The following PARP1 variants were observed in gnomAD, a reference collection of about 807,000 sequenced individuals.
PARP1 encodes the protein poly(ADP-ribose) polymerase 1.
PARP1 carries 44 observed loss-of-function variants against 118.7 expected under a neutral mutation model. The ratio of observed to expected loss-of-function variants is 0.37; its 90% CI spans 0.29 to 0.48. The LOEUF (loss-of-function observed/expected upper bound fraction) is 0.48. Among genes scored for constraint, PARP1 ranks in the 20% least tolerant of loss-of-function variants. PARP1 has a pLI of 0.99. For synonymous variants in PARP1, 492 were observed against 483.2 expected, an observed-to-expected ratio of 1.02 and a Z score of -0.24; for missense variants, 1,100 against 1,272.4, an observed-to-expected ratio of 0.86 and a Z score of 2.06.
chr1:226,373,285 C>T (rs1664426189), intron 14 of PARP1, among the ~76,000 whole-genome samples: 1 of 152,218 alleles, frequency 6.6e-6, no homozygotes, highest in Non-Finnish European at 1.5e-5. Context: ...TGATCTGAGA[C>T]TCTTAACCTC....
chr1:226,363,120 T>C lies in PARP1; in HGVS notation c.2827A>G (p.Lys943Glu), dbSNP rs1274856111. The change falls in exon 21 of 23, where the codon AAG (lysine) becomes GAG (glutamate). Residue 943 changes from lysine to glutamate, a missense_variant. By Grantham distance (56) the Lys-to-Glu change is moderately conservative (BLOSUM62 1). Transcript: ENST00000366794. ...KHASHISKLP[K>E]GKHSVKGLGK... is the part of the protein sequence containing the mutation. Reference sequence around the variant, plus strand: ...TTACCTTTGACACTGTGCTTGCCCTTGGGTAACTTGCTGATATGTGAAGCG... The same window carrying C: ...TTACCTTTGACACTGTGCTTGCCCTCGGGTAACTTGCTGATATGTGAAGCG... 2 of 1,613,620 alleles carry C rather than the reference T, an allele frequency of 1.2e-6. No individual in the cohort carries two copies. Among genetic ancestry groups the C allele is most frequent in the Non-Finnish European group, 1.7e-6 (2 of 1,179,624 alleles).
chr1:226,392,179 C>G lies in PARP1; in HGVS notation c.402+20G>C. 1 of 1,484,392 alleles carries G rather than the reference C, an allele frequency of 6.7e-7. No individual in the cohort carries two copies. The highest frequency in any genetic ancestry group is 9.4e-7 in the Non-Finnish European group (1 of 1,061,474). 92.0% of individuals were successfully genotyped at this position (1,484,392 alleles called of 1,614,324 possible). A position where few individuals can be genotyped will look rare whatever the true frequency, so the allele number is the denominator to read the frequency against. On this transcript the variant is annotated intron_variant, in intron 3 of 22. Transcript: ENST00000366794. ...CAAGCAATCCATAAAGTTCAGGGAT[C>G]TGGGCCCCCAAGATCTTACCTTTTC...
intron 22 of PARP1, 175 bp downstream of exon 22, chr1:226,361,794 C>A: frequency 1.5e-6 from 1 of 680,216 alleles, no homozygotes; most frequent in Non-Finnish European, 2.7e-6. Flanking sequence ...AGGCTCATAC[C>A]CTGTAAGCCA....
At chr1:226,390,136 G>A (rs1221039941) in intron 4 of PARP1, among the ~76,000 whole-genome samples, 1 of 152,108 alleles carries the variant, frequency 6.6e-6, no homozygotes, top group Non-Finnish European at 1.5e-5. Flanking sequence ...CCTGTCCATG[G>A]AGCTCAGATG....
rs747988833 is a variant in PARP1, at chr1:226,407,875, C to A, written c.55G>T (p.Ala19Ser). ...CTCTCGCTGCATTTCTTGCAAGAGG[C>A]GCGCCCGCTCTTGGCGTACTCGACT... is the stretch of plus-strand genomic sequence containing the variant. ...YRVEYAKSGR[A>S]SCKKCSESIP... The change falls in exon 1 of 23, where the codon GCC (alanine) becomes TCC (serine). Residue 19 changes from alanine to serine, a missense_variant. Ala to Ser is a moderately conservative substitution (Grantham distance 99). This residue lies in a region of PARP1 where 948 missense variants were observed against 1,031.8 expected (regional missense o/e 0.92). Coordinates refer to ENST00000366794, the MANE Select transcript of PARP1 (RefSeq NM_001618.4). The A allele has an allele frequency of 1.2e-6, 2 of 1,610,720 alleles. No homozygotes were observed. Among genetic ancestry groups the A allele is most frequent in the South Asian group, 2.2e-5 (2 of 90,722 alleles).
chr1:226,401,474 C>CT (rs1665035964), intron 2 of PARP1, among the ~76,000 whole-genome samples: 1 of 152,206 alleles, frequency 6.6e-6, no homozygotes, highest in Non-Finnish European at 1.5e-5. Context: ...GGGGTGGTAA[C>CT]TTTTAGGTCA....
intron 13 of PARP1, among the ~76,000 whole-genome samples, chr1:226,376,542 A>G (rs965560555): frequency 2.0e-5 from 3 of 152,212 alleles, no homozygotes; most frequent in Non-Finnish European, 2.9e-5. Context: ...ATTACGTCCT[A>G]TTGTTTCAGG....
At chr1:226,396,581 T>G (rs902108963) in intron 2 of PARP1, among the ~76,000 whole-genome samples, 2 of 152,170 alleles carry the variant, frequency 1.3e-5, no homozygotes, top group East Asian at 3.9e-4. Flanking sequence ...TGAATTAAAC[T>G]TTTCATATAT....
intron 13 of PARP1, 22 bp from the exon 14 acceptor site, chr1:226,374,376 C>T: frequency 6.2e-7 from 1 of 1,614,146 alleles, no homozygotes; most frequent in South Asian, 1.1e-5. Flanking sequence ...AAGCACATTG[C>T]TAAGAGACCC....
At chr1:226,385,872 G>A (rs1414851794) in intron 6 of PARP1, among the ~76,000 whole-genome samples, 192 bp from the exon 7 acceptor site, 1 of 152,162 alleles carries the variant, frequency 6.6e-6, no homozygotes, top group Admixed American at 6.5e-5. Flanking sequence ...GATTCTTGTA[G>A]GAGACCTTAT....
At position 226,361,987 on chromosome 1, in the gene PARP1, G is replaced by A. The variant is rs1275684619; in HGVS notation, c.2945C>T (p.Thr982Ile). 2 of 1,588,470 alleles carry A rather than the reference G, an allele frequency of 1.3e-6. No individual in the cohort carries two copies. The highest frequency in any genetic ancestry group is 1.7e-6 in the Non-Finnish European group (2 of 1,156,646). The part of the protein sequence containing the change: ...GTGISSGVND[T>I]SLLYNEYIVY... ...AGGATACTCGTTATATAGTAGAGAG[G>A]TGTCATTCACACCAGATGAAATCCC... The change falls in exon 22 of 23, where the codon ACC becomes ATC. Residue 982 changes from threonine to isoleucine, a missense_variant. Around this residue, in one of 2 missense-constraint regions of PARP1, gnomAD observed 152 missense variants for 240.6 expected, o/e 0.63. Transcript: ENST00000366794.
chr1:226,402,700 C>A (rs1180488916), intron 1 of PARP1, among the ~76,000 whole-genome samples: 1 of 152,254 alleles, frequency 6.6e-6, no homozygotes, highest in East Asian at 1.9e-4. Flanking sequence ...TGACCACACA[C>A]TGCTACATTT....
chr1:226,385,389 A>G (rs1456670851), intron 7 of PARP1, 115 bp downstream of exon 7: 4 of 847,358 alleles, frequency 4.7e-6, no homozygotes, highest in Non-Finnish European at 8.0e-6. Flanking sequence ...CGCAGCTGTA[A>G]AGAAGTCTGA....
chr1:226,383,258 G>T, intron 7 of PARP1, 75 bp from the exon 8 acceptor site: 1 of 1,192,940 alleles, frequency 8.4e-7, no homozygotes, highest in Non-Finnish European at 1.2e-6. Flanking sequence ...AAGAGGATTT[G>T]GCTTGTCCAA....
At chr1:226,364,150 C>G (rs1266436301) in intron 19 of PARP1, 80 bp from the exon 20 acceptor site, 1 of 1,377,746 alleles carries the variant, frequency 7.3e-7, no homozygotes, top group Admixed American at 1.7e-5. Flanking sequence ...CCAACTTGAG[C>G]AAGCCACCCA....
intron 1 of PARP1, among the ~76,000 whole-genome samples, chr1:226,403,330 C>T (rs927860994): frequency 2.6e-5 from 4 of 152,224 alleles, no homozygotes; most frequent in Non-Finnish European, 4.4e-5. Context: ...AGGCACGTGC[C>T]ACCCATGCCT....
chr1:226,407,674 G>C, intron 1 of PARP1, 136 bp downstream of exon 1: 2 of 809,866 alleles, frequency 2.5e-6, no homozygotes, highest in East Asian at 3.6e-5. Flanking sequence ...GGGCGGCCGC[G>C]GCCCCATAGG....
chr1:226,371,353 T>C (rs1404829387), intron 14 of PARP1, among the ~76,000 whole-genome samples: 1 of 152,196 alleles, frequency 6.6e-6, no homozygotes, highest in East Asian at 1.9e-4. Flanking sequence ...TTTCTGCATG[T>C]CCAGCACTTC....
At chr1:226,383,464 T>G (rs1212921687) in intron 7 of PARP1, among the ~76,000 whole-genome samples, 1 of 152,088 alleles carries the variant, frequency 6.6e-6, no homozygotes, top group Non-Finnish European at 1.5e-5. Context: ...CAGAAACCAG[T>G]GGCCAATTCG....
Sources: gnomAD v4.1 joint callset for allele counts (sites outside exome capture counted in the v4.1 genomes callset) on GRCh38, gnomAD v4.1.1 for gene constraint, gnomAD v4.1.1 regional missense constraint, MANE v1.5 for transcripts, NCBI Gene and HGNC (gene_info 2026-07-23, HGNC 2026-07-21) for gene names.